Variants in TBC1D5 observed in about 807,000 individuals in gnomAD.
TBC1D5 encodes TBC1 domain family, member 5.
TBC1D5 carries 75 observed loss-of-function variants against 100.3 expected under a neutral mutation model. The ratio of observed to expected loss-of-function variants is 0.75; its 90% CI spans 0.62 to 0.91. The LOEUF is 0.91. Among genes scored for constraint, TBC1D5 ranks in the 40% least tolerant of loss-of-function variants. The probability of loss-of-function intolerance (pLI) is 0.00; values close to 1 mark genes in which losing one functional copy is unlikely to be tolerated. For synonymous variants in TBC1D5, 323 were observed against 325.6 expected (o/e 0.99, Z 0.09); for missense variants, 910 against 942.4 (o/e 0.97, Z 0.45).
intron 2 of TBC1D5, among the ~76,000 whole-genome samples, chr3:17,559,869 G>A (rs940720896): frequency 3.3e-5 from 5 of 151,960 alleles, no homozygotes; most frequent in Admixed American, 1.3e-4. Flanking sequence ...GATTACAGGC[G>A]TGAGCCACCG....
At chr3:17,439,979 A>G (rs2094615907) in intron 3 of TBC1D5, among the ~76,000 whole-genome samples, 1 of 152,224 alleles carries the variant, frequency 6.6e-6, no homozygotes, top group South Asian at 2.1e-4. Context: ...TCATAAATTT[A>G]GATGTAATAG....
chr3:17,686,368 GAAAT>G (rs2070284661), intron 1 of TBC1D5, among the ~76,000 whole-genome samples: 1 of 152,092 alleles, frequency 6.6e-6, no homozygotes, highest in Admixed American at 6.6e-5. Flanking sequence ...TGTTCCCATA[GAAAT>G]AATAACTTTG....
chr3:17,304,109 T>G (rs2083150322), intron 14 of TBC1D5, among the ~76,000 whole-genome samples: 1 of 152,202 alleles, frequency 6.6e-6, no homozygotes, highest in Non-Finnish European at 1.5e-5. Flanking sequence ...TAGTGCTTTC[T>G]TCCTGCATCA....
chr3:17,562,298 A>G (rs752868587), intron 2 of TBC1D5, among the ~76,000 whole-genome samples: 1 of 152,148 alleles, frequency 6.6e-6, no homozygotes, highest in African/African-American at 2.4e-5. Flanking sequence ...TTAAAAACAG[A>G]CACCTAAAGA....
intron 3 of TBC1D5, among the ~76,000 whole-genome samples, chr3:17,455,198 AT>A (rs1372829711): frequency 1.4e-5 from 2 of 146,024 alleles, no homozygotes; most frequent in Admixed American, 6.8e-5. Flanking sequence ...GTGTGTATAT[AT>A]ATGTATATAT....
At chr3:17,346,543 A>G (rs375697561) in intron 13 of TBC1D5, among the ~76,000 whole-genome samples, 11 of 152,228 alleles carry the variant, frequency 7.2e-5, no homozygotes, top group African/African-American at 2.4e-4. Flanking sequence ...CTGTCCTTCA[A>G]TTGATAATGG....
At chr3:17,354,173 G>T (rs2090956156) in intron 13 of TBC1D5, among the ~76,000 whole-genome samples, 1 of 151,960 alleles carries the variant, frequency 6.6e-6, no homozygotes, top group Non-Finnish European at 1.5e-5. Context: ...AATACAAAAG[G>T]ATATAAGAAA....
intron 2 of TBC1D5, among the ~76,000 whole-genome samples, chr3:17,564,222 C>A (rs2096579553): frequency 6.6e-6 from 1 of 152,190 alleles, no homozygotes; most frequent in East Asian, 1.9e-4. Flanking sequence ...CCTCCCCAGA[C>A]ATTACTTTAT....
At position 17,690,362 on chromosome 3, in the gene TBC1D5, G is replaced by A. The variant is rs1477018768; in HGVS notation, c.-101+48981C>T. ...CTCCCAAGTAGCTGGGACTACAGGC[G>A]CCCGCCACTACGCCCGGCTAATTTT... On this transcript the variant is annotated intron_variant, in intron 1 of 21. Coordinates refer to ENST00000253692, the Ensembl canonical transcript of TBC1D5. Among the ~76,000 whole-genome samples the A allele has an allele frequency of 1.6e-4, 13 of 82,766 alleles. 4 individuals carry two copies. The highest frequency in any genetic ancestry group is 4.5e-4 in the African/African-American group (11 of 24,522). The allele number at this position is 82,766 out of a possible 152,430, so 54.3% of individuals were successfully genotyped here.
intron 17 of TBC1D5, among the ~76,000 whole-genome samples, chr3:17,219,479 G>T (rs1167886602): frequency 5.5e-5 from 8 of 146,488 alleles, no homozygotes; most frequent in African/African-American, 1.5e-4. Flanking sequence ...CTTTCCTGTG[G>T]TTTTTTTTTT....
Position 17,336,290 on chromosome 3 carries a change from T to C in TBC1D5, c.996-28156A>G, listed in dbSNP as rs78023604. ...GGCCTAGAAAACAAAGGGAAGAATG[T>C]AGAAACTGGAAAGCTGCATGTTTCT... On this transcript the variant is annotated intron_variant, in intron 13 of 21. Coordinates refer to ENST00000253692, the Ensembl canonical transcript of TBC1D5. Among the ~76,000 whole-genome samples the C allele has an allele frequency of 3.4e-3, 519 of 152,212 alleles. 1 individual carries two copies. Among genetic ancestry groups the C allele is most frequent in the African/African-American group, 0.012 (505 of 41,560 alleles).
intron 13 of TBC1D5, among the ~76,000 whole-genome samples, chr3:17,318,731 T>A (rs1157332282): frequency 2.0e-5 from 3 of 152,232 alleles, no homozygotes; most frequent in African/African-American, 7.2e-5. Flanking sequence ...AATTCAGTTA[T>A]GTATTTTTAA....
In TBC1D5 at chr3:17,310,662, G is replaced by C. The variant is rs566571673; in HGVS notation, c.996-2528C>G. On this transcript the variant is annotated intron_variant, in intron 13 of 21. Coordinates refer to ENST00000253692, the Ensembl canonical transcript of TBC1D5. The stretch of plus-strand genomic sequence containing the variant: ...GGAAGTACAGGCATTGATCTTGTTA[G>C]TGGTGGCACAAAAATAATCCAGGAG... Among the ~76,000 whole-genome samples, 57 of 152,010 alleles carry C rather than the reference G, an allele frequency of 3.7e-4. 1 individual carries two copies. The highest frequency in any genetic ancestry group is 6.6e-4 in the Non-Finnish European group (45 of 67,922).
At chr3:17,368,141 A>C (rs997486542) in intron 13 of TBC1D5, among the ~76,000 whole-genome samples, 2 of 145,336 alleles carry the variant, frequency 1.4e-5, no homozygotes, top group African/African-American at 2.5e-5. Context: ...ACAGCATTAA[A>C]TAAGCAAACT....
chr3:17,502,993 C>T (rs1398582706), intron 3 of TBC1D5, among the ~76,000 whole-genome samples: 1 of 149,614 alleles, frequency 6.7e-6, no homozygotes, highest in Admixed American at 6.6e-5. Context: ...TCGATGGCTT[C>T]CGAAATGATT....
At chr3:17,238,112 C>T in intron 17 of TBC1D5, 51 bp downstream of exon 17, 4 of 1,556,660 alleles carry the variant, frequency 2.6e-6, no homozygotes, top group Non-Finnish European at 3.5e-6. Context: ...TGAAGAAATC[C>T]CAGGCTACAC....
chr3:17,584,649 A>AT (rs943026126), intron 2 of TBC1D5, among the ~76,000 whole-genome samples: 20 of 152,038 alleles, frequency 1.3e-4, no homozygotes, highest in Non-Finnish European at 2.5e-4. Flanking sequence ...ATTCAAAATA[A>AT]TTTTTTTAAT....
chr3:17,220,705 C>T (rs1171805139), intron 17 of TBC1D5, among the ~76,000 whole-genome samples: 2 of 151,972 alleles, frequency 1.3e-5, no homozygotes, highest in African/African-American at 2.4e-5. Context: ...CATGAATTTT[C>T]TCCTTGCTCC....
intron 4 of TBC1D5, among the ~76,000 whole-genome samples, chr3:17,422,359 T>G (rs1384437080): frequency 6.6e-6 from 1 of 151,658 alleles, no homozygotes. Context: ...TTTTTGTTTT[T>G]TTTTTTCAGT....
Sources: allele counts gnomAD v4.1 joint callset (sites outside exome capture counted in the v4.1 genomes callset), GRCh38; gene constraint gnomAD v4.1.1; transcripts MANE v1.5; gene names NCBI Gene and HGNC (gene_info 2026-07-23, HGNC 2026-07-21).